CEP44: variants seen among roughly 807,000 people sequenced by gnomAD.
CEP44 encodes centrosomal protein 44, also known as centrosomal protein of 44 kDa.
A neutral mutation model predicts 46.7 loss-of-function variants in CEP44; 45 were observed. The observed-to-expected ratio is 0.96, with a 90% CI of 0.76 to 1.24. The LOEUF (loss-of-function observed/expected upper bound fraction) is 1.24. Ranked by LOEUF, CEP44 falls within the 50% of genes most tolerant of loss-of-function variation. CEP44 has a pLI of 0.00. For synonymous variants in CEP44, 142 were observed against 146.0 expected (o/e 0.97, Z 0.20); for missense variants, 475 against 459.7 (o/e 1.03, Z -0.30).
downstream of CEP44, among the ~76,000 whole-genome samples, chr4:174,320,561 T>A (rs1579167934): frequency 4.7e-5 from 1 of 21,156 alleles, no homozygotes; most frequent in East Asian, 1.9e-3. Flanking sequence ...TTATCTTAAG[T>A]CCTAAAGAGT....
rs1560903108 is a variant in CEP44 at position 174,304,385 on chromosome 4, G to T, written c.507+16G>T. 3 of 1,601,322 alleles carry T rather than the reference G, an allele frequency of 1.9e-6. No homozygotes were observed. The highest frequency in any genetic ancestry group is 1.4e-5 in the African/African-American group (1 of 74,006). ...CTCAGGAAAGGTATGCAACCACAAA[G>T]AAAATATCATATTGTTTAAGAGTTA... On this transcript the variant is annotated intron_variant, in intron 6 of 11. Transcript: ENST00000503780.
rs2126556574 is a variant in CEP44 at position 174,297,183 on chromosome 4, TCA to T, written c.-147-780_-147-779del. On this transcript the variant is annotated intron_variant, in intron 1 of 11. Transcript: ENST00000503780. This position sits in a 1 kb window ranked among gnomAD's most constrained non-coding sequence, Gnocchi z 4.3. ...ACAATCTCTGGCTCATTTTACATTC[TCA>T]CAAGCTTAATATTTTTTATATCCTT... 1.3e-5 allele frequency among the ~76,000 whole-genome samples: 2 copies of T among 152,288 alleles called. 1 individual carries two copies. The highest frequency in any genetic ancestry group is 4.1e-4 in the South Asian group (2 of 4,826).
At chr4:174,323,943 A>AT (rs562372316), downstream of CEP44, among the ~76,000 whole-genome samples, 20 of 152,236 alleles carry the variant, frequency 1.3e-4, 1 homozygote, top group East Asian at 3.9e-3. Flanking sequence ...AACTAGTGGA[A>AT]GTTTAGTTAC....
downstream of CEP44, among the ~76,000 whole-genome samples, chr4:174,322,264 T>C (rs938080403): frequency 1.7e-4 from 26 of 152,166 alleles, no homozygotes; most frequent in African/African-American, 6.0e-4. Context: ...CCTTCACTTT[T>C]TATATACTAT....
At chr4:174,302,840 T>TCACG (rs1364066626) in intron 4 of CEP44, among the ~76,000 whole-genome samples, 4 of 151,278 alleles carry the variant, frequency 2.6e-5, no homozygotes, top group African/African-American at 9.7e-5. Flanking sequence ...GAGTGCAGTG[T>TCACG]CACGATCTAG....
chr4:174,330,770 A>G lies in CEP44; in HGVS notation c.1087-712A>G, dbSNP rs187318195. On this transcript the variant is annotated intron_variant, in intron 8 of 8. Coordinates refer to the CEP44 transcript ENST00000426172. ...TCCAGGGATTATGCCAAGTATGCAC[A>G]TGAAAGCCTGTTTCTCTTTGATCAA... Among the ~76,000 whole-genome samples the G allele has an allele frequency of 4.0e-5, 5 of 124,822 alleles. No homozygotes were observed. In the East Asian group the frequency reaches 4.8e-3, roughly 120 times the overall value. The allele number at this position is 124,822 out of a possible 152,430, so 81.9% of individuals were successfully genotyped here.
downstream of CEP44, among the ~76,000 whole-genome samples, chr4:174,324,137 T>C (rs1244052334): frequency 6.6e-6 from 1 of 152,180 alleles, no homozygotes. Flanking sequence ...TAGAGTTTTA[T>C]ATTAATATCA....
intron 8 of CEP44, among the ~76,000 whole-genome samples, chr4:174,328,407 T>C (rs181435845): frequency 1.3e-5 from 2 of 152,312 alleles, no homozygotes; most frequent in East Asian, 3.9e-4. Flanking sequence ...AAGAAATAAA[T>C]TTTGTATTTC....
chr4:174,295,442 G>C (rs1334991691), intron 1 of CEP44, among the ~76,000 whole-genome samples: 1 of 151,732 alleles, frequency 6.6e-6, no homozygotes, highest in African/African-American at 2.4e-5. Context: ...TGGCCAGGAA[G>C]AGGCGCTCCT....
Position 174,299,152 on chromosome 4 carries a change from C to T in CEP44, c.31C>T (p.Arg11Trp), listed in dbSNP as rs909614262. Residue 11 changes from arginine (R) to tryptophan (W), a missense_variant, in exon 3 of 12, where the codon CGG becomes TGG. Arg to Trp is a moderately radical substitution (Grantham distance 101). Coordinates refer to ENST00000503780, the MANE Select transcript of CEP44 (RefSeq NM_001040157.3). ...AACAGGTGACTTAAAAAGAAGCTTACGGAACCTAGAACAGGTGCTCCGCTT... is the reference window on the plus strand; with the variant it reads ...AACAGGTGACTTAAAAAGAAGCTTATGGAACCTAGAACAGGTGCTCCGCTT... MATGDLKRSL[R>W]NLEQVLRLLN... 12 of 1,613,302 alleles carry T rather than the reference C, an allele frequency of 7.4e-6. No homozygotes were observed. Among genetic ancestry groups the T allele is most frequent in the Middle Eastern group, 1.6e-4 (1 of 6,082 alleles).
At chr4:174,303,579 A>T in intron 4 of CEP44, 124 bp from the exon 5 acceptor site, 1 of 537,636 alleles carries the variant, frequency 1.9e-6, no homozygotes, top group South Asian at 3.4e-5. Flanking sequence ...CTCTTTAGTT[A>T]ATGGCTTGGT....
rs1032273677 is a variant in CEP44, at chr4:174,287,165, G to C, written c.-148+3222G>C. On this transcript the variant is annotated intron_variant, in intron 1 of 11. Coordinates refer to ENST00000503780, the MANE Select transcript of CEP44 (RefSeq NM_001040157.3). This position sits in a 1 kb window ranked among gnomAD's most constrained non-coding sequence, Gnocchi z 5.1. ...TCTATTTCTAGGCCATTGGGATATA[G>C]GTCGTTATGGGACCCCAGGTAGTAA... 6.6e-6 allele frequency among the ~76,000 whole-genome samples: 1 copy of C among 152,096 alleles called. No homozygotes were observed. The highest frequency in any genetic ancestry group is 2.4e-5 in the African/African-American group (1 of 41,416).
intron 9 of CEP44, among the ~76,000 whole-genome samples, chr4:174,313,291 GT>G (rs1427241504): frequency 6.6e-6 from 1 of 151,404 alleles, no homozygotes; most frequent in Admixed American, 6.6e-5. Flanking sequence ...TAGTTTAGGT[GT>G]TAATTGCCAG....
At chr4:174,322,956 C>A (rs1426423062), downstream of CEP44, among the ~76,000 whole-genome samples, 4 of 151,658 alleles carry the variant, frequency 2.6e-5, no homozygotes, top group African/African-American at 9.7e-5. Context: ...TGAGATTTTC[C>A]TAATAAAAAG....
In CEP44 at chr4:174,317,398, A is replaced by C. The variant is rs781605621; in HGVS notation, c.*15A>C. ...ACTACTTGTAGGATTTTCTACATGAACTTTTTTCTAGGACTTTGGTTACTA... is the reference window on the plus strand; with the variant it reads ...ACTACTTGTAGGATTTTCTACATGACCTTTTTTCTAGGACTTTGGTTACTA... On this transcript the variant is annotated 3_prime_UTR_variant, in exon 12 of 12. Coordinates refer to ENST00000503780, the MANE Select transcript of CEP44 (RefSeq NM_001040157.3). 7.1e-7 allele frequency: 1 copy of C among 1,412,936 alleles called. No homozygotes were observed. The highest frequency in any genetic ancestry group is 9.4e-7 in the Non-Finnish European group (1 of 1,066,212). 87.5% of individuals were successfully genotyped at this position (1,412,936 alleles called of 1,614,324 possible). A position where few individuals can be genotyped will look rare whatever the true frequency, so the allele number is the denominator to read the frequency against.
intron 1 of CEP44, among the ~76,000 whole-genome samples, chr4:174,294,619 G>T (rs1738641192): frequency 6.6e-6 from 1 of 151,908 alleles, no homozygotes; most frequent in African/African-American, 2.4e-5. Context: ...AGTAGGGGCG[G>T]CCGGGCAGAG....
chr4:174,296,399 G>A (rs1282090643), intron 1 of CEP44, among the ~76,000 whole-genome samples: 2 of 152,104 alleles, frequency 1.3e-5, no homozygotes, highest in Admixed American at 6.5e-5. Flanking sequence ...TTCATGAGAT[G>A]TTGAACCTTT....
At chr4:174,327,583 A>G (rs1191900923) in intron 8 of CEP44, among the ~76,000 whole-genome samples, 2 of 152,094 alleles carry the variant, frequency 1.3e-5, no homozygotes, top group Non-Finnish European at 2.9e-5. Flanking sequence ...TAAATTTTTT[A>G]TAGCAATTGT....
rs533857364 is a variant in CEP44 at position 174,285,001 on chromosome 4, C to A, written c.-148+1058C>A. ...GACCTCTAACAGCAATGAGATTGAGCGATGTTGAAAATCCTAAACTGCTAG... is the reference window on the plus strand; with the variant it reads ...GACCTCTAACAGCAATGAGATTGAGAGATGTTGAAAATCCTAAACTGCTAG... On this transcript the variant is annotated intron_variant, in intron 1 of 11. Transcript: ENST00000503780. Among the ~76,000 whole-genome samples, 6 of 152,228 alleles carry A rather than the reference C, an allele frequency of 3.9e-5. No homozygotes were observed. In the East Asian group the frequency reaches 1.2e-3, roughly 29 times the overall value.
Sources: gnomAD v4.1 joint callset for allele counts (sites outside exome capture counted in the v4.1 genomes callset) on GRCh38, gnomAD v4.1.1 for gene constraint, Gnocchi (gnomAD v3.1) non-coding constraint, MANE v1.5 for transcripts, NCBI Gene and HGNC (gene_info 2026-07-23, HGNC 2026-07-21) for gene names.